DMXL2: variants seen among roughly 807,000 people sequenced by gnomAD.
The protein encoded by DMXL2 is Dmx like 2, also known as dmX-like protein 2.
In DMXL2, 103 loss-of-function variants were observed where a neutral mutation model predicts 331.1. The observed-to-expected ratio is 0.31, with a 90% CI of 0.27 to 0.37. The LOEUF (loss-of-function observed/expected upper bound fraction) is 0.37. Ranked by LOEUF, DMXL2 falls within the 10% of genes least tolerant of loss-of-function variation. The pLI is 1.00. For synonymous variants in DMXL2, 1,281 were observed against 1,252.1 expected (o/e 1.02, Z -0.49); for missense variants, 3,171 against 3,642.9 (o/e 0.87, Z 3.33).
chr15:51,538,528 T>G, intron 9 of DMXL2, 76 bp from the exon 10 acceptor site: 2 of 1,205,790 alleles, frequency 1.7e-6, no homozygotes, highest in Non-Finnish European at 2.3e-6. Flanking sequence ...CAATGACTAA[T>G]CTATATAAAG....
chr15:51,602,417 G>C (rs1417001905), intron 1 of DMXL2, among the ~76,000 whole-genome samples: 3 of 152,052 alleles, frequency 2.0e-5, no homozygotes, highest in Non-Finnish European at 2.9e-5. Context: ...CAAGAGAGTA[G>C]AGTGGATCCA....
chr15:51,575,525 G>C (rs1002603817), intron 2 of DMXL2, among the ~76,000 whole-genome samples: 1 of 152,052 alleles, frequency 6.6e-6, no homozygotes, highest in African/African-American at 2.4e-5. Context: ...AGGTACATAT[G>C]ATGAAATTTT....
At chr15:51,568,584 A>G in intron 2 of DMXL2, 26 bp from the exon 3 acceptor site, 1 of 1,440,102 alleles carries the variant, frequency 6.9e-7, no homozygotes, top group Non-Finnish European at 9.5e-7. Context: ...TACAGCATTA[A>G]TATCTAGAAA....
chr15:51,572,266 G>C (rs7173433), intron 2 of DMXL2, among the ~76,000 whole-genome samples: 10,960 of 75,894 alleles, frequency 0.14, 1,393 homozygotes, highest in Non-Finnish European at 0.18. Flanking sequence ...AGACCAATAA[G>C]AGGTTCTGAA....
intron 4 of DMXL2, 57 bp from the exon 5 acceptor site, chr15:51,564,317 C>T (rs1360474675): frequency 4.5e-6 from 6 of 1,334,370 alleles, no homozygotes; most frequent in Non-Finnish European, 6.0e-6. Context: ...GAAATAAATG[C>T]ACATGGGCTT....
chr15:51,457,302 A>G, intron 37 of DMXL2, 26 bp downstream of exon 37: 1 of 1,602,946 alleles, frequency 6.2e-7, no homozygotes, highest in Non-Finnish European at 8.5e-7. Context: ...AAATCCAGAA[A>G]TGATACCTAT....
At chr15:51,556,355 G>GAAAAAAAAAAAAAAAAAAAAAAAAAA (rs59460472) in intron 6 of DMXL2, among the ~76,000 whole-genome samples, 5 of 118,980 alleles carry the variant, frequency 4.2e-5, no homozygotes, top group Non-Finnish European at 6.8e-5. Flanking sequence ...AAAAAAAAAA[G>GAAAAAAAAAAAAAAAAAAAAAAAAAA]AAAAAAAAAA....
intron 15 of DMXL2, among the ~76,000 whole-genome samples, chr15:51,508,156 A>G (rs929897675): frequency 3.3e-5 from 5 of 152,266 alleles, no homozygotes; most frequent in Non-Finnish European, 5.9e-5. Context: ...GGAGGGGAAC[A>G]TAACACATCA....
At chr15:51,462,765 T>C (rs1272502867) in intron 33 of DMXL2, among the ~76,000 whole-genome samples, 1 of 152,206 alleles carries the variant, frequency 6.6e-6, no homozygotes, top group Non-Finnish European at 1.5e-5. Flanking sequence ...GTCCCACTTT[T>C]ATAAGGAAGA....
rs115046993 is a variant in DMXL2 at position 51,620,864 on chromosome 15, C to G, written c.87+1595G>C. 9.8e-3 allele frequency among the ~76,000 whole-genome samples: 1,492 copies of G among 152,310 alleles called. 20 individuals carry two copies. The highest frequency in any genetic ancestry group is 0.034 in the African/African-American group (1,405 of 41,548). On this transcript the variant is annotated intron_variant, in intron 1 of 43. Transcript: ENST00000560891. Reference sequence around the variant, plus strand: ...CTGCACAGCACTAACAGTTCTTACACAGGCTTTTCCAGGCTGCATCTGAAC... The same window carrying G: ...CTGCACAGCACTAACAGTTCTTACAGAGGCTTTTCCAGGCTGCATCTGAAC...
chr15:51,606,338 G>A (rs1162710443), intron 1 of DMXL2, among the ~76,000 whole-genome samples: 3 of 152,114 alleles, frequency 2.0e-5, no homozygotes. Flanking sequence ...CTCCCGAGTA[G>A]CTGGGACGAC....
intron 16 of DMXL2, among the ~76,000 whole-genome samples, 172 bp downstream of exon 16, chr15:51,506,962 C>T (rs980359043): frequency 6.6e-6 from 1 of 151,804 alleles, no homozygotes; most frequent in Admixed American, 6.6e-5. Flanking sequence ...TAGAATTAAC[C>T]AGTTTCATTA....
chr15:51,520,322 T>C (rs2047283002), intron 13 of DMXL2, among the ~76,000 whole-genome samples: 1 of 152,254 alleles, frequency 6.6e-6, no homozygotes. Context: ...AAAGCCATCT[T>C]AACTGACAGC....
chr15:51,531,564 A>G (rs2048003567), intron 13 of DMXL2, among the ~76,000 whole-genome samples: 1 of 152,240 alleles, frequency 6.6e-6, no homozygotes, highest in East Asian at 1.9e-4. Flanking sequence ...CATAGGATAC[A>G]ATCAGCAAGG....
In DMXL2 at chr15:51,542,386, T is replaced by A; in HGVS notation, c.1052A>T (p.His351Leu). 6.2e-7 allele frequency: 1 copy of A among 1,613,832 alleles called. No homozygotes were observed. The highest frequency in any genetic ancestry group is 8.5e-7 in the Non-Finnish European group (1 of 1,179,822). Residue 351 changes from histidine (H) to leucine (L), a missense_variant, in exon 9 of 44, where the codon CAT (histidine) becomes CTT (leucine). His to Leu is a moderately conservative substitution (Grantham distance 99, BLOSUM62 -3). Around this residue, in one of 7 missense-constraint regions of DMXL2, gnomAD observed 1,674 missense variants for 1,780.2 expected, o/e 0.94. Coordinates refer to ENST00000560891, the MANE Select transcript of DMXL2 (RefSeq NM_001378457.1). ...MHEVQRHISH[H>L]ANALCHFHIA... ...ATGAAAATGACAGAGTGCATTTGCA[T>A]GGTGGGAAATGTGTCTTTGAACTTC... is the stretch of plus-strand genomic sequence containing the variant.
intron 13 of DMXL2, among the ~76,000 whole-genome samples, chr15:51,528,407 A>G (rs2047803556): frequency 6.6e-6 from 1 of 152,156 alleles, no homozygotes; most frequent in South Asian, 2.1e-4. Context: ...ATGGAAACCA[A>G]AAAAGAGCAG....
chr15:51,450,673 A>G (rs2039053527), intron 42 of DMXL2: 1 of 345,066 alleles, frequency 2.9e-6, no homozygotes, highest in East Asian at 7.2e-5. Flanking sequence ...GGTGAGTATT[A>G]ACCCAGCCAA....
intron 15 of DMXL2, among the ~76,000 whole-genome samples, chr15:51,508,033 C>T (rs576879720): frequency 6.6e-6 from 1 of 152,040 alleles, no homozygotes. Context: ...TGGTAATGAG[C>T]GCTGCTAGAG....
chr15:51,538,586 CTT>C (rs2048413446), intron 9 of DMXL2, 134 bp from the exon 10 acceptor site: 1 of 632,016 alleles, frequency 1.6e-6, no homozygotes. Flanking sequence ...TTTGTAAAAA[CTT>C]TAACTGAATT....
Sources: allele counts gnomAD v4.1 joint callset (sites outside exome capture counted in the v4.1 genomes callset), GRCh38; gene constraint gnomAD v4.1.1; regional missense constraint gnomAD v4.1.1; transcripts MANE v1.5; gene names NCBI Gene and HGNC (gene_info 2026-07-23, HGNC 2026-07-21).